Variants in EIF2S1 observed in about 807,000 individuals in gnomAD.
EIF2S1 encodes eukaryotic translation initiation factor 2 subunit 1.
EIF2S1 carries 5 observed loss-of-function variants against 33.5 expected under a neutral mutation model. The ratio of observed to expected loss-of-function variants is 0.15; its 90% confidence interval spans 0.08 to 0.31. The LOEUF is 0.31. EIF2S1 is among the 10% of genes least tolerant of loss of function. The pLI, the probability that EIF2S1 is intolerant of heterozygous loss-of-function variation, is 1.00. For synonymous variants in EIF2S1, 99 were observed against 127.5 expected, an observed-to-expected ratio of 0.78 and a Z score of 1.51; for missense variants, 191 against 384.6, an observed-to-expected ratio of 0.50 and a Z score of 4.21.
chr14:67,374,429 T>C (rs2141140582), intron 2 of EIF2S1, 39 bp from the exon 3 acceptor site: 1 of 1,373,930 alleles, frequency 7.3e-7, no homozygotes, highest in Non-Finnish European at 1.0e-6. Context: ...TACAGTGGCA[T>C]CTGGACAGAG....
At chr14:67,370,592 AATC>A (rs2085814236) in intron 2 of EIF2S1, among the ~76,000 whole-genome samples, 1 of 152,264 alleles carries the variant, frequency 6.6e-6, no homozygotes, top group African/African-American at 2.4e-5. Flanking sequence ...ATTTTATGCC[AATC>A]ATCTCAACAA....
intron 1 of EIF2S1, chr14:67,364,485 G>A (rs2085761316): frequency 3.3e-6 from 1 of 305,314 alleles, no homozygotes; most frequent in East Asian, 7.5e-5. Context: ...AGGTCTTGGA[G>A]TACTTTATAG....
chr14:67,367,689 T>C (rs1044887562), intron 2 of EIF2S1, among the ~76,000 whole-genome samples: 4 of 152,068 alleles, frequency 2.6e-5, no homozygotes, highest in Non-Finnish European at 4.4e-5. Context: ...ATACAAAAAT[T>C]AGCTGGGCGT....
intron 2 of EIF2S1, among the ~76,000 whole-genome samples, chr14:67,373,873 G>GTC (rs1362572722): frequency 6.7e-6 from 1 of 148,796 alleles, no homozygotes; most frequent in Non-Finnish European, 1.5e-5. Flanking sequence ...GTGTGTGTGT[G>GTC]TCTTCTGTGA....
chr14:67,380,671 T>G lies in EIF2S1; in HGVS notation c.486T>G (p.Ile162Met). ...AFKHAVSDPS[I>M]LDSLDLNEDE... ...TGTTTTTGACCAGAGACCCATCTATTTTGGATAGTTTAGATTTGAATGAAG... is the reference window on the plus strand; with the variant it reads ...TGTTTTTGACCAGAGACCCATCTATGTTGGATAGTTTAGATTTGAATGAAG... The change falls in exon 5 of 8, where the codon ATT becomes ATG. Residue 162 changes from isoleucine to methionine, a missense_variant. Transcript: ENST00000256383. 6.4e-7 allele frequency: 1 copy of G among 1,557,166 alleles called. No individual in the cohort carries two copies.
intron 2 of EIF2S1, among the ~76,000 whole-genome samples, chr14:67,369,863 GAGACCC>G (rs1192332792): frequency 6.6e-6 from 1 of 152,200 alleles, no homozygotes; most frequent in Non-Finnish European, 1.5e-5. Flanking sequence ...CTCTGTTGGG[GAGACCC>G]TAACCCAGAG....
chr14:67,375,246 G>C (rs1420728256), intron 3 of EIF2S1, among the ~76,000 whole-genome samples: 3 of 141,956 alleles, frequency 2.1e-5, no homozygotes, highest in Non-Finnish European at 4.6e-5. Context: ...GTGTGTGTGT[G>C]TGTGTGTGTG....
At position 67,384,525 on chromosome 14, in the gene EIF2S1, C is replaced by T. The variant is rs2085908325; in HGVS notation, c.*1085C>T. The T allele has an allele frequency of 6.6e-6, 1 of 151,990 alleles. No individual in the cohort carries two copies. The highest frequency in any genetic ancestry group is 1.5e-5 in the Non-Finnish European group (1 of 68,004). The allele number at this position is 151,990 out of a possible 1,614,324, so 9.4% of individuals were successfully genotyped here. On this transcript the variant is annotated 3_prime_UTR_variant, in exon 8 of 8. Transcript: ENST00000256383. ...GTCTGCTTGTCTTCATAAATTTATTCTCTTATGATACTTGAGGTACCAGTT... is the reference window on the plus strand; with the variant it reads ...GTCTGCTTGTCTTCATAAATTTATTTTCTTATGATACTTGAGGTACCAGTT...
chr14:67,377,777 CT>C (rs1293868126), intron 4 of EIF2S1, among the ~76,000 whole-genome samples: 1 of 152,052 alleles, frequency 6.6e-6, no homozygotes, highest in African/African-American at 2.4e-5. Flanking sequence ...TTTTCCTTTA[CT>C]TTCTCTTGGA....
chr14:67,371,836 A>G (rs369300022), intron 2 of EIF2S1, among the ~76,000 whole-genome samples: 1 of 152,258 alleles, frequency 6.6e-6, no homozygotes, highest in African/African-American at 2.4e-5. Context: ...TTTGTAAAAA[A>G]GCAAATTACT....
At chr14:67,377,077 T>A (rs1263756416) in intron 4 of EIF2S1, among the ~76,000 whole-genome samples, 1 of 152,242 alleles carries the variant, frequency 6.6e-6, no homozygotes, top group Non-Finnish European at 1.5e-5. Flanking sequence ...GTCATCTTAA[T>A]TCTGTATGTT....
chr14:67,375,180 C>A (rs1437846719), intron 3 of EIF2S1, among the ~76,000 whole-genome samples: 1 of 151,870 alleles, frequency 6.6e-6, no homozygotes, highest in Non-Finnish European at 1.5e-5. Flanking sequence ...GTCAGTATTT[C>A]TCTTTTCTCA....
At chr14:67,371,809 C>T (rs1240276281) in intron 2 of EIF2S1, among the ~76,000 whole-genome samples, 1 of 152,104 alleles carries the variant, frequency 6.6e-6, no homozygotes, top group Non-Finnish European at 1.5e-5. Context: ...GATAAGAAAA[C>T]CCAACAAAGA....
At chr14:67,365,591 A>G (rs2085770692) in intron 2 of EIF2S1, among the ~76,000 whole-genome samples, 1 of 152,176 alleles carries the variant, frequency 6.6e-6, no homozygotes, top group Non-Finnish European at 1.5e-5. Flanking sequence ...TACTTATTGG[A>G]TGCCTTTTCT....
chr14:67,376,727 A>G (rs72719115), intron 4 of EIF2S1, 137 bp downstream of exon 4: 24,182 of 803,500 alleles, frequency 0.03, 467 homozygotes, highest in Middle Eastern at 0.046. Flanking sequence ...AAATGGGCCA[A>G]TCCTATATGG....
chr14:67,362,372 GA>G (rs1160855848), intron 1 of EIF2S1, among the ~76,000 whole-genome samples: 1 of 150,546 alleles, frequency 6.6e-6, no homozygotes, highest in Non-Finnish European at 1.5e-5. Context: ...AGTAGCTACT[GA>G]AAAAAAAATT....
At chr14:67,377,837 G>A (rs980126734) in intron 4 of EIF2S1, among the ~76,000 whole-genome samples, 3 of 152,054 alleles carry the variant, frequency 2.0e-5, no homozygotes, top group African/African-American at 7.2e-5. Flanking sequence ...GCTATGTGTG[G>A]TAGCTCATGC....
At position 67,385,710 on chromosome 14, in the gene EIF2S1, C is replaced by T. The variant is rs1333695317; in HGVS notation, c.*2270C>T. 4 of 137,072 alleles carry T rather than the reference C, an allele frequency of 2.9e-5. No individual in the cohort carries two copies. Among genetic ancestry groups the T allele is most frequent in the African/African-American group, 1.1e-4 (4 of 35,656 alleles). 8.5% of individuals were successfully genotyped at this position (137,072 alleles called of 1,614,324 possible). ...GGTGTTATATTGCCTGGGCAGGTCT[C>T]GAAATCCTGGGCTCAAGCTATCCTC... On this transcript the variant is annotated 3_prime_UTR_variant, in exon 8 of 8. Transcript: ENST00000256383.
At chr14:67,371,043 A>G (rs746363720) in intron 2 of EIF2S1, among the ~76,000 whole-genome samples, 6 of 152,160 alleles carry the variant, frequency 3.9e-5, no homozygotes, top group Non-Finnish European at 5.9e-5. Flanking sequence ...GGAAAACTCT[A>G]GGCCAGATGG....
Sources: gnomAD v4.1 joint callset for allele counts (sites outside exome capture counted in the v4.1 genomes callset) on GRCh38, gnomAD v4.1.1 for gene constraint, MANE v1.5 for transcripts, NCBI Gene and HGNC (gene_info 2026-07-23, HGNC 2026-07-21) for gene names.